SCRN1: variants seen among roughly 807,000 people sequenced by gnomAD.
SCRN1 encodes the protein secernin-1.
In SCRN1, 19 loss-of-function variants were observed where a neutral mutation model predicts 43.3. That is an observed-to-expected ratio of 0.44 (90% CI 0.31 to 0.64). The LOEUF is 0.64. Ranked by LOEUF, SCRN1 falls within the 30% of genes least tolerant of loss-of-function variation. The pLI is 0.09. For synonymous variants in SCRN1, 183 were observed against 188.9 expected, an observed-to-expected ratio of 0.97 and a Z score of 0.26; for missense variants, 447 against 524.1, an observed-to-expected ratio of 0.85 and a Z score of 1.44.
chr7:29,986,826 G>A (rs1338128249), intron 1 of SCRN1, among the ~76,000 whole-genome samples: 1 of 148,564 alleles, frequency 6.7e-6, no homozygotes. Context: ...CCGGGTTCAA[G>A]CGATTCTCCT....
At chr7:29,952,225 T>C (rs921044018) in intron 3 of SCRN1, among the ~76,000 whole-genome samples, 6 of 152,146 alleles carry the variant, frequency 3.9e-5, no homozygotes, top group African/African-American at 1.4e-4. Flanking sequence ...GGGTGTGAAA[T>C]AGGGACCGAC....
intron 1 of SCRN1, among the ~76,000 whole-genome samples, chr7:29,988,185 TTGGA>T (rs1311292703): frequency 1.3e-5 from 2 of 152,248 alleles, no homozygotes; most frequent in Non-Finnish European, 2.9e-5. Context: ...TGCACTGCTC[TTGGA>T]TGATGTTTAC....
chr7:29,970,716 C>T (rs977143750), intron 1 of SCRN1, among the ~76,000 whole-genome samples: 2 of 152,198 alleles, frequency 1.3e-5, no homozygotes, highest in Non-Finnish European at 2.9e-5. Flanking sequence ...GTCCACCATA[C>T]TGAAGCTGAC....
At chr7:29,986,238 G>A (rs904070317) in intron 1 of SCRN1, among the ~76,000 whole-genome samples, 1 of 152,200 alleles carries the variant, frequency 6.6e-6, no homozygotes, top group African/African-American at 2.4e-5. Flanking sequence ...CCTGTCTCGA[G>A]AGAGAGCAAG....
chr7:29,975,918 T>A (rs1788817169), intron 1 of SCRN1, among the ~76,000 whole-genome samples: 1 of 152,228 alleles, frequency 6.6e-6, no homozygotes, highest in African/African-American at 2.4e-5. Context: ...ATGTTCTCTG[T>A]ATTTTCCAAC....
At chr7:29,957,960 A>G (rs1277331347) in intron 2 of SCRN1, among the ~76,000 whole-genome samples, 1 of 152,226 alleles carries the variant, frequency 6.6e-6, no homozygotes, top group East Asian at 1.9e-4. Flanking sequence ...TGAATCAAAA[A>G]GACCAGATGG....
intron 2 of SCRN1, among the ~76,000 whole-genome samples, chr7:29,967,653 A>G (rs1788540776): frequency 6.6e-6 from 1 of 152,222 alleles, no homozygotes; most frequent in African/African-American, 2.4e-5. Context: ...TCAGGTGCAG[A>G]GCCAAGGACA....
intron 6 of SCRN1, among the ~76,000 whole-genome samples, chr7:29,932,651 C>CAAAA (rs1162835669): frequency 9.9e-4 from 8 of 8,046 alleles, no homozygotes; most frequent in Admixed American, 3.5e-3. Flanking sequence ...GATTCCATCT[C>CAAAA]AAAAAAAAAA....
intron 2 of SCRN1, among the ~76,000 whole-genome samples, chr7:29,961,075 T>A (rs1375486166): frequency 6.2e-4 from 86 of 138,794 alleles, no homozygotes; most frequent in South Asian, 4.1e-3. Flanking sequence ...TTTTTTTTTT[T>A]AATTTATTTT....
At chr7:29,973,281 T>G (rs998124050) in intron 1 of SCRN1, among the ~76,000 whole-genome samples, 1 of 152,384 alleles carries the variant, frequency 6.6e-6, no homozygotes. Flanking sequence ...AGAGTGGCCC[T>G]CATTACTATC....
At chr7:29,942,709 T>C (rs1022607736) in intron 4 of SCRN1, among the ~76,000 whole-genome samples, 3 of 152,174 alleles carry the variant, frequency 2.0e-5, no homozygotes, top group Non-Finnish European at 4.4e-5. Context: ...GGGTACATGC[T>C]GGGCATATGA....
chr7:29,962,843 T>C (rs924097267), intron 2 of SCRN1, among the ~76,000 whole-genome samples: 4 of 152,144 alleles, frequency 2.6e-5, no homozygotes, highest in Admixed American at 6.5e-5. Context: ...ATGATAGTAA[T>C]TGTGGCTCCT....
At chr7:29,934,379 A>G (rs1206579854) in intron 6 of SCRN1, among the ~76,000 whole-genome samples, 2 of 152,132 alleles carry the variant, frequency 1.3e-5, no homozygotes. Context: ...GCACAGTTAG[A>G]GCTGGTATCT....
intron 3 of SCRN1, among the ~76,000 whole-genome samples, chr7:29,946,597 C>T (rs1216370082): frequency 6.6e-6 from 1 of 152,246 alleles, no homozygotes; most frequent in Admixed American, 6.5e-5. Flanking sequence ...GCATTCCACA[C>T]TGAGGCCCTA....
chr7:29,944,187 A>G lies in SCRN1; in HGVS notation c.342-8T>C, dbSNP rs1562808224. 6.2e-7 allele frequency: 1 copy of G among 1,613,824 alleles called. No individual in the cohort carries two copies. Among genetic ancestry groups the G allele is most frequent in the Admixed American group, 1.7e-5 (1 of 60,030 alleles). ...CCTCTTTCTAAACCAAGCCTGCAGG[A>G]AGGAAACCAGAACCATACTTCAGTC... On this transcript the variant is annotated splice_region_variant and splice_polypyrimidine_tract_variant and intron_variant, in intron 3 of 7. Coordinates refer to ENST00000242059, the MANE Select transcript of SCRN1 (RefSeq NM_014766.5).
chr7:29,978,512 T>C (rs553357541), intron 1 of SCRN1, among the ~76,000 whole-genome samples: 47 of 152,234 alleles, frequency 3.1e-4, no homozygotes, highest in Admixed American at 1.6e-3. Flanking sequence ...TGCAGCCCCA[T>C]GTGTATAGGT....
chr7:29,959,202 C>G (rs1336212175), intron 2 of SCRN1, among the ~76,000 whole-genome samples: 2 of 152,172 alleles, frequency 1.3e-5, no homozygotes, highest in South Asian at 2.1e-4. Flanking sequence ...GCCTTTCGTA[C>G]TGTACTCAAG....
chr7:29,940,986 G>T, intron 4 of SCRN1, 110 bp from the exon 5 acceptor site: 1 of 880,050 alleles, frequency 1.1e-6, no homozygotes, highest in Non-Finnish European at 1.6e-6. Flanking sequence ...TTAACTACAG[G>T]GAGGAATCCA....
intron 6 of SCRN1, among the ~76,000 whole-genome samples, chr7:29,930,194 TA>T (rs895949873): frequency 2.8e-4 from 43 of 152,114 alleles, no homozygotes; most frequent in African/African-American, 9.2e-4. Context: ...TAAGGTTATC[TA>T]AAAAATAATA....
Sources: gnomAD v4.1 joint callset for allele counts (sites outside exome capture counted in the v4.1 genomes callset) on GRCh38, gnomAD v4.1.1 for gene constraint, MANE v1.5 for transcripts, NCBI Gene and HGNC (gene_info 2026-07-23, HGNC 2026-07-21) for gene names.